KIF6: variants seen among roughly 807,000 people sequenced by gnomAD.
KIF6 encodes the protein kinesin family member 6.
In KIF6, 106 loss-of-function variants were observed where a neutral mutation model predicts 112.7. That is an observed-to-expected ratio of 0.94 (90% CI 0.80 to 1.11). KIF6 has a LOEUF of 1.11. KIF6 is among the 50% of genes least tolerant of loss of function. KIF6 has a pLI of 0.00. For synonymous variants in KIF6, 339 were observed against 339.9 expected, an observed-to-expected ratio of 1.00 and a Z score of 0.03; for missense variants, 929 against 964.0, an observed-to-expected ratio of 0.96 and a Z score of 0.48.
intron 15 of KIF6, among the ~76,000 whole-genome samples, chr6:39,411,511 G>A (rs765035895): frequency 6.6e-6 from 1 of 152,180 alleles, no homozygotes; most frequent in Non-Finnish European, 1.5e-5. Context: ...ATCCTGGAGA[G>A]GTAGGAGTGG....
At chr6:39,624,578 C>G (rs1783995577) in intron 5 of KIF6, among the ~76,000 whole-genome samples, 2 of 152,104 alleles carry the variant, frequency 1.3e-5, no homozygotes, top group Non-Finnish European at 2.9e-5. Flanking sequence ...ACTAACAGGA[C>G]AATATGTCAA....
intron 3 of KIF6, among the ~76,000 whole-genome samples, chr6:39,640,194 A>C (rs1784833498): frequency 6.6e-6 from 1 of 152,110 alleles, no homozygotes; most frequent in African/African-American, 2.4e-5. Flanking sequence ...TATACCTTGC[A>C]ATGTAATTCC....
chr6:39,454,713 G>A lies in KIF6; in HGVS notation c.1646-23552C>T, dbSNP rs577090708. Among the ~76,000 whole-genome samples the A allele has an allele frequency of 3.3e-3, 510 of 152,260 alleles. 1 individual carries two copies. The highest frequency in any genetic ancestry group is 7.3e-3 in the Admixed American group (112 of 15,300). On this transcript the variant is annotated intron_variant, in intron 13 of 22. Transcript: ENST00000287152. ...CGAGGCATTGCCTCACCTGGGAAGC[G>A]CAAGGGGTCAGGGAGTTCCCTTTCC...
chr6:39,711,471 A>C (rs1474499749), intron 3 of KIF6, among the ~76,000 whole-genome samples: 3 of 152,104 alleles, frequency 2.0e-5, no homozygotes, highest in African/African-American at 7.2e-5. Context: ...GCTGGGCTTA[A>C]GTGATCCTCC....
chr6:39,539,308 G>A (rs1467288784), intron 13 of KIF6, among the ~76,000 whole-genome samples: 1 of 151,796 alleles, frequency 6.6e-6, no homozygotes. Context: ...ACGTGACAAA[G>A]TTTTATTAAT....
chr6:39,482,517 G>A (rs1486274066), intron 13 of KIF6, among the ~76,000 whole-genome samples: 1 of 152,190 alleles, frequency 6.6e-6, no homozygotes, highest in Non-Finnish European at 1.5e-5. Flanking sequence ...GTAGTGACAA[G>A]AGCCAGAGAA....
rs371477997 is a variant in KIF6 at position 39,639,706 on chromosome 6, G to A, written c.303C>T (p.Ser101=). 61 of 1,611,876 alleles carry A rather than the reference G, an allele frequency of 3.8e-5. No individual in the cohort carries two copies. The highest frequency in any genetic ancestry group is 1.6e-4 in the Middle Eastern group (1 of 6,068). The part of the protein sequence containing the change: ...GTIFAYGQTG[S]GKTFTITGGA... ...CCCCTGTGATAGTGAATGTCTTCCC[G>A]CTGCCTGTTTGCCCATATGCAAAGA... Residue 101 remains serine (S), a synonymous_variant, in exon 4 of 23, where the codon AGC becomes AGT. Coordinates refer to ENST00000287152, the MANE Select transcript of KIF6 (RefSeq NM_145027.6).
chr6:39,600,584 C>T (rs1782516933), intron 6 of KIF6, among the ~76,000 whole-genome samples: 1 of 152,184 alleles, frequency 6.6e-6, no homozygotes, highest in Non-Finnish European at 1.5e-5. Flanking sequence ...GCTCGCCACC[C>T]TCTGCCCACC....
intron 13 of KIF6, among the ~76,000 whole-genome samples, chr6:39,519,335 A>G (rs921059153): frequency 9.2e-5 from 14 of 152,234 alleles, no homozygotes; most frequent in Admixed American, 2.6e-4. Flanking sequence ...TCCACAAGAC[A>G]TAGTTTATCA....
intron 11 of KIF6, among the ~76,000 whole-genome samples, chr6:39,545,132 T>C (rs1220968484): frequency 6.6e-6 from 1 of 152,204 alleles, no homozygotes; most frequent in Non-Finnish European, 1.5e-5. Flanking sequence ...ACAACAAATG[T>C]TTATTATCTT....
chr6:39,694,937 A>G (rs1788435873), intron 3 of KIF6, among the ~76,000 whole-genome samples: 2 of 152,234 alleles, frequency 1.3e-5, no homozygotes. Context: ...GGCTACAGTA[A>G]TCAAAAAAGC....
intron 7 of KIF6, among the ~76,000 whole-genome samples, chr6:39,595,462 C>T (rs1032004777): frequency 5.1e-4 from 77 of 152,120 alleles, no homozygotes; most frequent in African/African-American, 1.6e-3. Context: ...GCTGTTGTGA[C>T]GTTTCAATAA....
chr6:39,714,857 T>A, intron 2 of KIF6, 91 bp from the exon 3 acceptor site: 1 of 848,328 alleles, frequency 1.2e-6, no homozygotes, highest in Non-Finnish European at 1.9e-6. Flanking sequence ...CTCTATTAAT[T>A]ACCCCATATT....
intron 10 of KIF6, among the ~76,000 whole-genome samples, chr6:39,571,711 C>T (rs1350729461): frequency 6.6e-6 from 1 of 152,216 alleles, no homozygotes; most frequent in Admixed American, 6.5e-5. Context: ...GTATTCATAA[C>T]CCACCATGAG....
intron 13 of KIF6, among the ~76,000 whole-genome samples, chr6:39,524,089 GAAT>G (rs1314445213): frequency 1.3e-5 from 2 of 151,856 alleles, no homozygotes; most frequent in Non-Finnish European, 2.9e-5. Flanking sequence ...ATTGGCGAAA[GAAT>G]AATGTTTTAT....
chr6:39,621,846 T>C (rs912528437), intron 5 of KIF6, among the ~76,000 whole-genome samples: 7 of 152,156 alleles, frequency 4.6e-5, no homozygotes, highest in African/African-American at 1.4e-4. Flanking sequence ...CTGTTTAATT[T>C]ACATTCTTTG....
At chr6:39,399,737 G>C (rs907567358) in intron 15 of KIF6, among the ~76,000 whole-genome samples, 1 of 152,252 alleles carries the variant, frequency 6.6e-6, no homozygotes, top group Admixed American at 6.5e-5. Flanking sequence ...CATGAATGAG[G>C]CTGGAAGCCT....
intron 19 of KIF6, among the ~76,000 whole-genome samples, chr6:39,351,582 G>A (rs1282166256): frequency 6.6e-6 from 1 of 152,016 alleles, no homozygotes; most frequent in Non-Finnish European, 1.5e-5. Context: ...CCTTGCATCT[G>A]TCGGGCCCCT....
intron 13 of KIF6, among the ~76,000 whole-genome samples, chr6:39,500,994 A>G (rs1776098526): frequency 6.6e-6 from 1 of 152,216 alleles, no homozygotes; most frequent in Non-Finnish European, 1.5e-5. Context: ...ATGGAGAGGA[A>G]TGGAAGGGGC....
Sources: allele counts gnomAD v4.1 joint callset (sites outside exome capture counted in the v4.1 genomes callset), GRCh38; gene constraint gnomAD v4.1.1; transcripts MANE v1.5; gene names NCBI Gene and HGNC (gene_info 2026-07-23, HGNC 2026-07-21).